The following CEP63 variants were observed in gnomAD, a reference collection of about 807,000 sequenced individuals.
CEP63 encodes the protein centrosomal protein 63, also known as centrosomal protein of 63 kDa.
CEP63 carries 84 observed loss-of-function variants against 89.1 expected under a neutral mutation model. That is an observed-to-expected ratio of 0.94 (90% CI 0.79 to 1.13). CEP63 has a LOEUF of 1.13. CEP63 is among the 50% of genes most tolerant of loss of function. CEP63 has a pLI of 0.00. For synonymous variants in CEP63, 267 were observed against 272.5 expected, an observed-to-expected ratio of 0.98 and a Z score of 0.20; for missense variants, 838 against 813.3, an observed-to-expected ratio of 1.03 and a Z score of -0.37.
At chr3:134,503,100 C>CT (rs34673408) in intron 2 of CEP63, among the ~76,000 whole-genome samples, 52,038 of 92,584 alleles carry the variant, frequency 0.56, 14,109 homozygotes, top group East Asian at 0.68. Flanking sequence ...TGATTTCAAT[C>CT]TTTTTTTTTT....
chr3:134,601,367 G>T, the CEP63 span, among the ~76,000 whole-genome samples: 5 of 152,188 alleles, frequency 3.3e-5, no homozygotes, highest in Non-Finnish European at 7.3e-5. Flanking sequence ...AATGCTCCAG[G>T]ATGTATTGAT....
At chr3:134,634,526 G>A in the CEP63 span, among the ~76,000 whole-genome samples, 1 of 152,196 alleles carries the variant, frequency 6.6e-6, no homozygotes, top group Non-Finnish European at 1.5e-5. Context: ...TACTATAAAA[G>A]AGATTTTGGA....
the CEP63 span, among the ~76,000 whole-genome samples, chr3:134,720,296 T>G: frequency 7.9e-5 from 12 of 152,142 alleles, no homozygotes; most frequent in Admixed American, 1.3e-4. Flanking sequence ...TTTTTCCCAT[T>G]AAAAAATAGG....
chr3:134,726,085 C>T, the CEP63 span, among the ~76,000 whole-genome samples: 7 of 152,276 alleles, frequency 4.6e-5, no homozygotes, highest in South Asian at 1.2e-3. Context: ...GTATTGATAG[C>T]CTTTTTCCTC....
the CEP63 span, among the ~76,000 whole-genome samples, chr3:134,614,144 C>A: frequency 6.6e-6 from 1 of 152,126 alleles, no homozygotes; most frequent in East Asian, 1.9e-4. Flanking sequence ...TAAGCAAAGA[C>A]CTGGAGAGCC....
chr3:134,736,631 A>AT, the CEP63 span, among the ~76,000 whole-genome samples: 2 of 152,224 alleles, frequency 1.3e-5, no homozygotes, highest in Non-Finnish European at 2.9e-5. Context: ...TGAAGAAATC[A>AT]TTAAACTTTA....
At chr3:134,728,091 T>C in the CEP63 span, among the ~76,000 whole-genome samples, 1 of 152,178 alleles carries the variant, frequency 6.6e-6, no homozygotes. Flanking sequence ...AAAAACTGTG[T>C]CTAATAAAAT....
At position 134,545,700 on chromosome 3, in the gene CEP63, G is replaced by A; in HGVS notation, c.670G>A (p.Glu224Lys). ...GGCTAATGACACTATCTGTGCCAAT[G>A]AGTTGGAAATAGAGCGCCTCACCAT... ...ERANDTICAN[E>K]LEIERLTMRV... The change falls in exon 7 of 15, where the codon GAG becomes AAG. Residue 224 changes from glutamate to lysine, a missense_variant. Transcript: ENST00000675561. The A allele has an allele frequency of 1.2e-6, 2 of 1,614,116 alleles. No individual in the cohort carries two copies. Among genetic ancestry groups the A allele is most frequent in the Non-Finnish European group, 1.7e-6 (2 of 1,180,014 alleles).
the CEP63 span, among the ~76,000 whole-genome samples, chr3:134,739,629 C>T: frequency 6.6e-6 from 1 of 151,670 alleles, no homozygotes; most frequent in East Asian, 1.9e-4. Context: ...TGCGCAAAGA[C>T]AGCAATCTAT....
At chr3:134,631,398 C>T in the CEP63 span, among the ~76,000 whole-genome samples, 6 of 152,246 alleles carry the variant, frequency 3.9e-5, no homozygotes, top group Non-Finnish European at 8.8e-5. Flanking sequence ...GGAAGTTCTT[C>T]AGACGGAAGA....
the CEP63 span, among the ~76,000 whole-genome samples, chr3:134,596,558 G>T: frequency 1.4e-3 from 217 of 152,262 alleles, 1 homozygote; most frequent in South Asian, 0.017. Context: ...AAAACACAAG[G>T]GCTAGACCTG....
chr3:134,533,050 T>TA, intron 5 of CEP63, 150 bp downstream of exon 5: 1 of 796,464 alleles, frequency 1.3e-6, no homozygotes, highest in Non-Finnish European at 2.1e-6. Context: ...TGATCCACCA[T>TA]ACATCCTATC....
downstream of CEP63, among the ~76,000 whole-genome samples, chr3:134,589,022 C>T (rs1307574075): frequency 6.6e-6 from 1 of 152,128 alleles, no homozygotes; most frequent in Non-Finnish European, 1.5e-5. Flanking sequence ...ATTAGAAAAT[C>T]TGAAGAGTCA....
the CEP63 span, among the ~76,000 whole-genome samples, chr3:134,616,889 C>T: frequency 2.6e-5 from 4 of 152,342 alleles, no homozygotes; most frequent in African/African-American, 9.6e-5. Flanking sequence ...AAACTGCAGT[C>T]TCATTGAGTC....
the CEP63 span, chr3:134,604,055 T>G: frequency 6.2e-7 from 1 of 1,613,934 alleles, no homozygotes; most frequent in Non-Finnish European, 8.5e-7. Context: ...GTCTCCTCAG[T>G]GATGGGGCCA....
Position 134,547,464 on chromosome 3 carries a change from T to G in CEP63, c.1059T>G (p.Leu353=), listed in dbSNP as rs1953674409. 1 of 1,613,586 alleles carries G rather than the reference T, an allele frequency of 6.2e-7. No individual in the cohort carries two copies. The highest frequency in any genetic ancestry group is 8.5e-7 in the Non-Finnish European group (1 of 1,179,740). ...TTCTGCAGGCAGAGGTGACTTGTCT[T>G]GAAGGCAGGTACATAATTATACACA... ...EDLLQAEVTC[L]EGSLESVSAT... The change falls in exon 9 of 15, where the codon CTT becomes CTG. Residue 353 remains leucine, a synonymous_variant. Coordinates refer to ENST00000675561, the MANE Select transcript of CEP63 (RefSeq NM_001353108.3).
chr3:134,748,331 C>T, the CEP63 span, among the ~76,000 whole-genome samples: 3 of 152,252 alleles, frequency 2.0e-5, no homozygotes, highest in Middle Eastern at 3.4e-3. Flanking sequence ...AAGGCTCAAA[C>T]TAATATGTGT....
chr3:134,516,733 CAT>C (rs1559918774), intron 3 of CEP63, among the ~76,000 whole-genome samples: 1 of 152,202 alleles, frequency 6.6e-6, no homozygotes, highest in East Asian at 1.9e-4. Context: ...TGACACAGCA[CAT>C]GTTTCAGGGA....
the CEP63 span, among the ~76,000 whole-genome samples, chr3:134,681,253 A>G: frequency 6.6e-6 from 1 of 152,166 alleles, no homozygotes; most frequent in African/African-American, 2.4e-5. Flanking sequence ...TCGGTGGCAT[A>G]TTGTAAACTG....
Sources: allele counts gnomAD v4.1 joint callset (sites outside exome capture counted in the v4.1 genomes callset), GRCh38; gene constraint gnomAD v4.1.1; transcripts MANE v1.5; gene names NCBI Gene and HGNC (gene_info 2026-07-23, HGNC 2026-07-21).